GALNT1: variants seen among roughly 807,000 people sequenced by gnomAD.
GALNT1 encodes the protein polypeptide N-acetylgalactosaminyltransferase 1.
A neutral mutation model predicts 65.7 loss-of-function variants in GALNT1; 17 were observed. That is an observed-to-expected ratio of 0.26 (90% CI 0.18 to 0.39). The LOEUF (loss-of-function observed/expected upper bound fraction) is 0.39, where lower values mean the gene tolerates loss of function less well. Ranked by LOEUF, GALNT1 falls within the 10% of genes least tolerant of loss-of-function variation. The pLI is 1.00. For missense variants in GALNT1, 460 were observed against 672.8 expected (o/e 0.68, Z 3.50); for synonymous variants, 210 against 219.7 (o/e 0.96, Z 0.39).
intron 1 of GALNT1, among the ~76,000 whole-genome samples, chr18:35,610,112 C>G (rs932303067): frequency 1.4e-4 from 22 of 152,146 alleles, no homozygotes; most frequent in Admixed American, 1.2e-3. Flanking sequence ...AAAGCAACAC[C>G]TGTGCAGACA....
chr18:35,672,685 G>C (rs187176283), intron 3 of GALNT1, among the ~76,000 whole-genome samples: 10 of 151,992 alleles, frequency 6.6e-5, no homozygotes, highest in South Asian at 2.1e-4. Flanking sequence ...GAGTTAAATA[G>C]AAGTAACAGT....
chr18:35,590,864 C>T (rs540181730), intron 1 of GALNT1, among the ~76,000 whole-genome samples: 1 of 152,232 alleles, frequency 6.6e-6, no homozygotes, highest in African/African-American at 2.4e-5. Flanking sequence ...ATATTGTGTT[C>T]GTATTAGGAC....
intron 11 of GALNT1, among the ~76,000 whole-genome samples, chr18:35,705,887 G>A (rs967206595): frequency 2.0e-5 from 3 of 152,044 alleles, no homozygotes; most frequent in Non-Finnish European, 4.4e-5. Flanking sequence ...CAGCTTTATC[G>A]CATCCCAACT....
At chr18:35,692,035 G>T in intron 8 of GALNT1, 146 bp from the exon 9 acceptor site, 2 of 599,228 alleles carry the variant, frequency 3.3e-6, no homozygotes, top group Middle Eastern at 4.6e-4. Context: ...TACTTTTGGT[G>T]GATTCATGGT....
chr18:35,653,322 A>G (rs541384650), intron 1 of GALNT1, among the ~76,000 whole-genome samples: 20 of 152,360 alleles, frequency 1.3e-4, no homozygotes, highest in African/African-American at 4.8e-4. Flanking sequence ...GTTGCTCTCT[A>G]GCAACCTTGT....
In GALNT1 at chr18:35,687,020, A is replaced by G. The variant is rs1346507106; in HGVS notation, c.694A>G (p.Thr232Ala). The change falls in exon 6 of 12, where the codon ACA becomes GCA. Residue 232 changes from threonine (T) to alanine (A), a missense_variant. By Grantham distance (58) the Thr-to-Ala change is moderately conservative. Coordinates refer to ENST00000269195, the MANE Select transcript of GALNT1 (RefSeq NM_020474.4). The stretch of plus-strand genomic sequence containing the variant: ...AACTTGCTTTTATGACATCAGGAGA[A>G]CAGTGGTGTGTCCCATCATCGATGT... ...LLARIKHDRR[T>A]VVCPIIDVIS... 6.2e-7 allele frequency: 1 copy of G among 1,610,030 alleles called. No individual in the cohort carries two copies. Among genetic ancestry groups the G allele is most frequent in the Admixed American group, 1.7e-5 (1 of 59,318 alleles).
chr18:35,643,795 CA>C lies in GALNT1; in HGVS notation c.-103-10752del, dbSNP rs77572232. ...CCTGGGCAACAGAGTGAGACTGACT[CA>C]AAAAAAAAAAAAGAAAAAAAAACAC... On this transcript the variant is annotated intron_variant, in intron 1 of 11. Coordinates refer to ENST00000269195, the MANE Select transcript of GALNT1 (RefSeq NM_020474.4). 9.2e-3 allele frequency among the ~76,000 whole-genome samples: 939 copies of C among 102,514 alleles called. 10 individuals carry two copies. The highest frequency in any genetic ancestry group is 0.025 in the African/African-American group (739 of 29,298). 67.3% of individuals were successfully genotyped at this position (102,514 alleles called of 152,430 possible).
intron 1 of GALNT1, among the ~76,000 whole-genome samples, chr18:35,604,937 T>C (rs2046627795): frequency 6.6e-6 from 1 of 152,190 alleles, no homozygotes; most frequent in East Asian, 1.9e-4. Flanking sequence ...TCCCTACCTA[T>C]ATCACTAGAC....
At chr18:35,635,275 G>A (rs1165467726) in intron 1 of GALNT1, among the ~76,000 whole-genome samples, 1 of 152,162 alleles carries the variant, frequency 6.6e-6, no homozygotes, top group Non-Finnish European at 1.5e-5. Context: ...AAGTGTTACA[G>A]TCCAGAGTTC....
At chr18:35,654,450 G>A (rs531413665) in intron 1 of GALNT1, 110 bp from the exon 2 acceptor site, 1 of 174,808 alleles carries the variant, frequency 5.7e-6, no homozygotes. Flanking sequence ...TATTCTTAAT[G>A]AAATTAATAA....
intron 2 of GALNT1, among the ~76,000 whole-genome samples, chr18:35,663,031 A>C (rs1203448636): frequency 6.6e-6 from 1 of 152,200 alleles, no homozygotes; most frequent in Non-Finnish European, 1.5e-5. Flanking sequence ...GATAGTCAAG[A>C]CTAGTAAATA....
At chr18:35,598,503 C>A (rs933244573) in intron 1 of GALNT1, among the ~76,000 whole-genome samples, 2 of 152,130 alleles carry the variant, frequency 1.3e-5, no homozygotes, top group African/African-American at 4.8e-5. Context: ...TTGTGCCTGG[C>A]TTATTTCACT....
chr18:35,623,905 C>T (rs898945454), intron 1 of GALNT1, among the ~76,000 whole-genome samples: 3 of 152,124 alleles, frequency 2.0e-5, no homozygotes, highest in African/African-American at 4.8e-5. Context: ...CCATTGACTG[C>T]TTATTTTCTT....
intron 1 of GALNT1, among the ~76,000 whole-genome samples, chr18:35,650,667 C>T (rs911377379): frequency 6.6e-5 from 10 of 152,314 alleles, no homozygotes; most frequent in Middle Eastern, 3.4e-3. Context: ...AAGAATTCAG[C>T]AATATTTCTC....
intron 1 of GALNT1, among the ~76,000 whole-genome samples, chr18:35,608,669 T>C (rs2046680450): frequency 6.6e-6 from 1 of 152,212 alleles, no homozygotes; most frequent in Admixed American, 6.5e-5. Context: ...AAATGAAATA[T>C]GTGATCTTTT....
chr18:35,591,528 G>A (rs2046444136), intron 1 of GALNT1, among the ~76,000 whole-genome samples: 1 of 152,284 alleles, frequency 6.6e-6, no homozygotes, highest in South Asian at 2.1e-4. Context: ...TGTCCCCATG[G>A]CTGTGCATTT....
At chr18:35,628,306 G>A (rs1317569586) in intron 1 of GALNT1, among the ~76,000 whole-genome samples, 1 of 152,206 alleles carries the variant, frequency 6.6e-6, no homozygotes, top group Admixed American at 6.5e-5. Flanking sequence ...GCCTAACTGG[G>A]AGGCACCCCC....
At chr18:35,645,810 G>A (rs1253017513) in intron 1 of GALNT1, among the ~76,000 whole-genome samples, 1 of 152,074 alleles carries the variant, frequency 6.6e-6, no homozygotes, top group Admixed American at 6.5e-5. Context: ...TTTAACTGAA[G>A]CTTCATCATT....
intron 1 of GALNT1, 45 bp downstream of exon 1, chr18:35,581,907 TG>T (rs375511298): frequency 1 from 148,394 of 148,490 alleles, 74,150 homozygotes; most frequent in Middle Eastern, 1. Context: ...GCCGCAGCGC[TG>T]CGCGCGGGTC....
Sources: gnomAD v4.1 joint callset for allele counts (sites outside exome capture counted in the v4.1 genomes callset) on GRCh38, gnomAD v4.1.1 for gene constraint, MANE v1.5 for transcripts, NCBI Gene and HGNC (gene_info 2026-07-23, HGNC 2026-07-21) for gene names.